Variants in CPB1 observed in about 807,000 individuals in gnomAD.
CPB1 encodes carboxypeptidase B.
Under a neutral mutation model 51.4 loss-of-function variants are expected in CPB1, and 53 were observed. That is an observed-to-expected ratio of 1.03 (90% CI 0.83 to 1.30). The LOEUF (loss-of-function observed/expected upper bound fraction) is 1.30. CPB1 is among the 50% of genes most tolerant of loss of function. The pLI, the probability that CPB1 is intolerant of heterozygous loss-of-function variation, is 0.00. For synonymous variants in CPB1, 189 were observed against 186.9 expected, an observed-to-expected ratio of 1.01 and a Z score of -0.09; for missense variants, 494 against 516.2, an observed-to-expected ratio of 0.96 and a Z score of 0.42.
chr3:148,834,536 A>G lies in CPB1; in HGVS notation c.186A>G (p.Lys62=). 1 of 1,613,736 alleles carries G rather than the reference A, an allele frequency of 6.2e-7. No individual in the cohort carries two copies. The highest frequency in any genetic ancestry group is 2.2e-5 in the East Asian group (1 of 44,876). The change falls in exon 3 of 11, where the codon AAA becomes AAG. Residue 62 remains lysine (K), a synonymous_variant. Coordinates refer to ENST00000282957, the MANE Select transcript of CPB1 (RefSeq NM_001871.3). ...AGCCAGATTCTGTCACACAAATCAA[A>G]CCTCACAGTACAGTTGACTTCCGTG... is the stretch of plus-strand genomic sequence containing the variant. The part of the protein sequence containing the change: ...FWKPDSVTQI[K]PHSTVDFRVK...
chr3:148,846,487 T>C lies in CPB1; in HGVS notation c.981+861T>C, dbSNP rs1040959963. On this transcript the variant is annotated intron_variant, in intron 9 of 10. Coordinates refer to ENST00000282957, the MANE Select transcript of CPB1 (RefSeq NM_001871.3). ...TCCATTTAGACAATGACATGGATAT[T>C]TGGCTTACCTAAATGCATAAATTTG... Among the ~76,000 whole-genome samples, 3 of 151,996 alleles carry C rather than the reference T, an allele frequency of 2.0e-5. No homozygotes were observed. In the East Asian group the frequency reaches 5.8e-4, roughly 29 times the overall value.
chr3:148,834,394 T>C lies in CPB1; in HGVS notation c.148-104T>C, dbSNP rs1712829761. On this transcript the variant is annotated intron_variant, in intron 2 of 10. Coordinates refer to ENST00000282957, the MANE Select transcript of CPB1 (RefSeq NM_001871.3). ...TATTTTCAACAGATTTCATGGATGA[T>C]TTGATTTTGAAAATAACTCAATTCA... 5.4e-6 allele frequency: 6 copies of C among 1,117,420 alleles called. No individual in the cohort carries two copies. In the South Asian group the frequency reaches 6.8e-5, roughly 13 times the overall value. The allele number at this position is 1,117,420 out of a possible 1,614,324, so 69.2% of individuals were successfully genotyped here.
chr3:148,857,633 C>T (rs1559962794), intron 10 of CPB1, 92 bp downstream of exon 10: 3 of 839,294 alleles, frequency 3.6e-6, no homozygotes, highest in Non-Finnish European at 5.5e-6. Context: ...TAGTTTAAAG[C>T]ATGTGGCTTT....
Position 148,840,790 on chromosome 3 carries a change from G to C in CPB1, c.372+5G>C, listed in dbSNP as rs563421463. On this transcript the variant is annotated splice_donor_5th_base_variant and intron_variant, in intron 4 of 10. Transcript: ENST00000282957. ...AAGTACAACAAGTGGGAAACGGTAT[G>C]ATGTGCACATGATTTAGACAGATAT... The C allele has an allele frequency of 1.1e-5, 17 of 1,613,938 alleles. 1 individual carries two copies. In the South Asian group the frequency reaches 1.8e-4, roughly 17 times the overall value.
chr3:148,846,797 G>GTGTGTATATATATATA (rs1364486523), intron 9 of CPB1, among the ~76,000 whole-genome samples: 28 of 50,518 alleles, frequency 5.5e-4, no homozygotes, highest in South Asian at 8.2e-4. Flanking sequence ...GTGTGCGTGT[G>GTGTGTATATATATATA]TATATATATA....
rs1712736918 is a variant in CPB1 at position 148,831,504 on chromosome 3, A to G, written c.148-2994A>G. ...GAAGAAAAAAAGATCCCCAACACCA[A>G]TATTTATTTTTTTATTGGCCAATCT... On this transcript the variant is annotated intron_variant, in intron 2 of 10. Transcript: ENST00000282957. Among the ~76,000 whole-genome samples, 7 of 152,300 alleles carry G rather than the reference A, an allele frequency of 4.6e-5. 1 individual carries two copies. In the Middle Eastern group the frequency reaches 0.017, roughly 370 times the overall value.
Position 148,841,832 on chromosome 3 carries a change from G to A in CPB1, c.484G>A (p.Ala162Thr). The A allele has an allele frequency of 6.2e-7, 1 of 1,613,782 alleles. No individual in the cohort carries two copies. The highest frequency in any genetic ancestry group is 8.5e-7 in the Non-Finnish European group (1 of 1,179,740). Residue 162 changes from alanine to threonine, a missense_variant, in exon 6 of 11, where the codon GCT (alanine) becomes ACT (threonine). Physicochemically the swap from Ala to Thr is moderately conservative, Grantham distance 58 (BLOSUM62 0). Transcript: ENST00000282957. ...CTTTTGTTTGCAATAGGTTGGCAAA[G>A]CTGGACAAAATAAGCCTGCCATTTT... The part of the protein sequence containing the change: ...RAIYLLKVGK[A>T]GQNKPAIFMD...
intron 3 of CPB1, among the ~76,000 whole-genome samples, chr3:148,839,680 G>A (rs1713019538): frequency 6.6e-6 from 1 of 152,188 alleles, no homozygotes; most frequent in Non-Finnish European, 1.5e-5. Flanking sequence ...AGGTTCAGAG[G>A]ATGTCCCTGA....
intron 9 of CPB1, chr3:148,851,048 T>C (rs1220128290): frequency 1.3e-5 from 2 of 152,184 alleles, no homozygotes; most frequent in African/African-American, 4.8e-5. Flanking sequence ...ATCGAAAATT[T>C]CATGGCCAAG....
intron 6 of CPB1, among the ~76,000 whole-genome samples, chr3:148,842,383 C>G (rs1272533917): frequency 4.6e-5 from 7 of 152,146 alleles, no homozygotes; most frequent in Admixed American, 3.9e-4. Flanking sequence ...TCATTGTACA[C>G]TTCAGATTAA....
chr3:148,857,325 G>A lies in CPB1; in HGVS notation c.982-132G>A, dbSNP rs1559962683. Reference sequence around the variant, plus strand: ...AGGTTAAGTAGAAAAATGAAAATGGGTCCTGAATAAGCATATAATACGATC... The same window carrying A: ...AGGTTAAGTAGAAAAATGAAAATGGATCCTGAATAAGCATATAATACGATC... On this transcript the variant is annotated intron_variant, in intron 9 of 10. Coordinates refer to ENST00000282957, the MANE Select transcript of CPB1 (RefSeq NM_001871.3). The A allele has an allele frequency of 7.9e-6, 5 of 633,670 alleles. No individual in the cohort carries two copies. The South Asian group carries it at 7.9e-5, about 10-fold the overall frequency. 39.3% of individuals were successfully genotyped at this position (633,670 alleles called of 1,614,324 possible). A position where few individuals can be genotyped will look rare whatever the true frequency, so the allele number is the denominator to read the frequency against.
chr3:148,832,364 T>A (rs1291544899), intron 2 of CPB1, among the ~76,000 whole-genome samples: 1 of 152,082 alleles, frequency 6.6e-6, no homozygotes, highest in East Asian at 1.9e-4. Flanking sequence ...AAGGTTCTGC[T>A]AGAACCACCA....
chr3:148,847,940 T>C (rs1713305626), intron 9 of CPB1, among the ~76,000 whole-genome samples: 1 of 152,186 alleles, frequency 6.6e-6, no homozygotes. Context: ...ATTAAGCTTT[T>C]CTCTAGTATC....
rs200326324 is a variant in CPB1 at position 148,845,464 on chromosome 3, T to A, written c.819T>A (p.Cys273Ter). 151 of 1,613,932 alleles carry A rather than the reference T, an allele frequency of 9.4e-5. No homozygotes were observed. Among genetic ancestry groups the A allele is most frequent in the Non-Finnish European group, 1.2e-4 (142 of 1,179,832 alleles). The change falls in exon 9 of 11, where the codon TGT (cysteine) becomes TGA (stop). Residue 273 changes from cysteine to a stop codon, truncating the protein, a stop_gained. Coordinates refer to ENST00000282957, the MANE Select transcript of CPB1 (RefSeq NM_001871.3). LOFTEE classifies it high-confidence loss of function. ...ASRNPCDETY[C>*]GPAAESEKET... ...GAAACCCCTGTGATGAAACTTACTGTGGACCTGCCGCAGAGTCTGAAAAGG... is the reference window on the plus strand; with the variant it reads ...GAAACCCCTGTGATGAAACTTACTGAGGACCTGCCGCAGAGTCTGAAAAGG...
chr3:148,847,498 A>G (rs1416793563), intron 9 of CPB1, among the ~76,000 whole-genome samples: 1 of 152,010 alleles, frequency 6.6e-6, no homozygotes, highest in Admixed American at 6.6e-5. Flanking sequence ...AGCAAGTTTA[A>G]TGGGCCAATT....
At position 148,835,844 on chromosome 3, in the gene CPB1, T is replaced by C. The variant is rs75417822; in HGVS notation, c.272+1222T>C. Reference sequence around the variant, plus strand: ...TGTAAAAGAATAGTATCTGTGCCAGTGAAGATGTCAGAATTGTCACCTATA... The same window carrying C: ...TGTAAAAGAATAGTATCTGTGCCAGCGAAGATGTCAGAATTGTCACCTATA... On this transcript the variant is annotated intron_variant, in intron 3 of 10. Coordinates refer to ENST00000282957, the MANE Select transcript of CPB1 (RefSeq NM_001871.3). 4.5e-3 allele frequency among the ~76,000 whole-genome samples: 678 copies of C among 152,294 alleles called. 6 individuals carry two copies. The highest frequency in any genetic ancestry group is 0.015 in the African/African-American group (632 of 41,554).
intron 3 of CPB1, among the ~76,000 whole-genome samples, chr3:148,835,521 C>T (rs1454006876): frequency 2.6e-5 from 4 of 152,214 alleles, no homozygotes; most frequent in South Asian, 4.1e-4. Flanking sequence ...CAAGGAAAAA[C>T]CATACTTTAG....
chr3:148,847,290 G>A (rs1307592106), intron 9 of CPB1, among the ~76,000 whole-genome samples: 1 of 144,018 alleles, frequency 6.9e-6, no homozygotes, highest in Non-Finnish European at 1.5e-5. Flanking sequence ...AGCCCTTTTA[G>A]TGATGAGACA....
At chr3:148,829,476 TC>T (rs1290220852) in intron 2 of CPB1, among the ~76,000 whole-genome samples, 1 of 152,188 alleles carries the variant, frequency 6.6e-6, no homozygotes, top group African/African-American at 2.4e-5. Context: ...TAATTTTTTT[TC>T]CTCACATGAA....
Sources: allele counts gnomAD v4.1 joint callset (sites outside exome capture counted in the v4.1 genomes callset), GRCh38; gene constraint gnomAD v4.1.1; transcripts MANE v1.5; gene names NCBI Gene and HGNC (gene_info 2026-07-23, HGNC 2026-07-21).